AUH: variants seen among roughly 807,000 people sequenced by gnomAD.
AUH encodes the protein AU RNA binding methylglutaconyl-CoA hydratase.
Under a neutral mutation model 42.3 loss-of-function variants are expected in AUH, and 29 were observed. The ratio of observed to expected loss-of-function variants is 0.69; its 90% confidence interval spans 0.51 to 0.93. The LOEUF (loss-of-function observed/expected upper bound fraction) is 0.93, where lower values mean the gene tolerates loss of function less well. Ranked by LOEUF, AUH falls within the 40% of genes least tolerant of loss-of-function variation. The probability of loss-of-function intolerance (pLI) is 0.00; values close to 1 mark genes in which losing one functional copy is unlikely to be tolerated. For synonymous variants in AUH, 174 were observed against 166.4 expected, an observed-to-expected ratio of 1.05 and a Z score of -0.35; for missense variants, 452 against 438.1, an observed-to-expected ratio of 1.03 and a Z score of -0.28.
chr9:91,335,598 AT>A (rs1184134380), intron 3 of AUH, among the ~76,000 whole-genome samples: 1 of 151,774 alleles, frequency 6.6e-6, no homozygotes, highest in Non-Finnish European at 1.5e-5. Flanking sequence ...TTCTGCAGTT[AT>A]TTTTTCACTT....
At chr9:91,236,324 G>GT (rs1828179010) in intron 6 of AUH, among the ~76,000 whole-genome samples, 1 of 152,176 alleles carries the variant, frequency 6.6e-6, no homozygotes, top group Admixed American at 6.5e-5. Flanking sequence ...AGAGAGCTCA[G>GT]TAATACCAAC....
chr9:91,251,186 G>A (rs756981436), intron 6 of AUH, among the ~76,000 whole-genome samples: 2 of 152,290 alleles, frequency 1.3e-5, no homozygotes, highest in African/African-American at 4.8e-5. Context: ...CCGGGAGGTC[G>A]CCATGTCCTC....
chr9:91,352,710 G>A (rs2132058330), intron 3 of AUH, among the ~76,000 whole-genome samples: 1 of 152,202 alleles, frequency 6.6e-6, no homozygotes, highest in East Asian at 1.9e-4. Context: ...CAGTAAATAG[G>A]AGAGTGGTAT....
At chr9:91,325,787 G>C (rs187850982) in intron 3 of AUH, among the ~76,000 whole-genome samples, 53 of 152,240 alleles carry the variant, frequency 3.5e-4, no homozygotes, top group Admixed American at 3.1e-3. Context: ...CATAAATAAT[G>C]ACAAATTGGT....
intron 6 of AUH, among the ~76,000 whole-genome samples, chr9:91,222,405 A>G (rs1827182794): frequency 6.6e-6 from 1 of 152,250 alleles, no homozygotes; most frequent in African/African-American, 2.4e-5. Flanking sequence ...TTGTAAAAGG[A>G]CTAATATTTT....
rs142124412 is a variant in AUH at position 91,302,066 on chromosome 9, G to A, written c.506-3990C>T. On this transcript the variant is annotated intron_variant, in intron 4 of 9. Coordinates refer to ENST00000375731, the MANE Select transcript of AUH (RefSeq NM_001698.3). The stretch of plus-strand genomic sequence containing the variant: ...AATTATTCCCTAAAAGATGTCTGTC[G>A]TAGTAAATTTTATCCAGGAAAGTAT... Among the ~76,000 whole-genome samples, 872 of 152,012 alleles carry A rather than the reference G, an allele frequency of 5.7e-3. 4 individuals are homozygous for A. Among genetic ancestry groups the A allele is most frequent in the South Asian group, 1.0e-2 (48 of 4,816 alleles).
At chr9:91,249,409 A>G (rs563889971) in intron 6 of AUH, among the ~76,000 whole-genome samples, 1 of 152,058 alleles carries the variant, frequency 6.6e-6, no homozygotes, top group Admixed American at 6.5e-5. Flanking sequence ...GTGACATACC[A>G]AAGAAACAAT....
At chr9:91,215,111 G>A (rs112650006) in intron 9 of AUH, among the ~76,000 whole-genome samples, 8 of 152,250 alleles carry the variant, frequency 5.3e-5, no homozygotes, top group East Asian at 3.9e-4. Context: ...TCCTTTAAAC[G>A]AGTGCTCATG....
chr9:91,324,673 C>T lies in AUH; in HGVS notation c.505+645G>A, dbSNP rs148198813. On this transcript the variant is annotated intron_variant, in intron 4 of 9. Coordinates refer to ENST00000375731, the MANE Select transcript of AUH (RefSeq NM_001698.3). The stretch of plus-strand genomic sequence containing the variant: ...CCTAGGCAAACTTCAAAAATAGCAA[C>T]ATTATATGCTGGCAGGAATGTGAGG... Among the ~76,000 whole-genome samples the T allele has an allele frequency of 9.8e-3, 1,433 of 146,882 alleles. 24 individuals carry two copies. Among genetic ancestry groups the T allele is most frequent in the African/African-American group, 0.034 (1,358 of 39,870 alleles).
intron 6 of AUH, among the ~76,000 whole-genome samples, chr9:91,233,143 G>T (rs1322265741): frequency 6.6e-6 from 1 of 152,188 alleles, no homozygotes; most frequent in Non-Finnish European, 1.5e-5. Flanking sequence ...AATAAAGAAA[G>T]AAATACACAC....
rs1179657132 is a variant in AUH at position 91,361,712 on chromosome 9, C to T, written c.178G>A (p.Gly60Ser). 4 of 1,553,156 alleles carry T rather than the reference C, an allele frequency of 2.6e-6. No individual in the cohort carries two copies. The highest frequency in any genetic ancestry group is 1.4e-5 in the African/African-American group (1 of 73,076). The change falls in exon 1 of 10, where the codon GGT becomes AGT. Residue 60 changes from glycine (G) to serine (S), a missense_variant. Gly to Ser is a moderately conservative substitution (Grantham distance 56, BLOSUM62 0). Transcript: ENST00000375731. ...WAQGWVPAAG[G>S]PAPKRGYSSE... is the part of the protein sequence containing the mutation. ...CTGTAGCCCCTTTTCGGGGCGGGAC[C>T]CCCGGCCGCAGGTACCCAGCCCTGG... is the stretch of plus-strand genomic sequence containing the variant.
chr9:91,290,407 C>A (rs1182520624), intron 6 of AUH, among the ~76,000 whole-genome samples: 1 of 151,978 alleles, frequency 6.6e-6, no homozygotes, highest in Non-Finnish European at 1.5e-5. Context: ...CAAGCAAGAC[C>A]CTGTCTCCAA....
chr9:91,303,569 C>T (rs1032577327), intron 4 of AUH, among the ~76,000 whole-genome samples: 1 of 152,168 alleles, frequency 6.6e-6, no homozygotes, highest in Non-Finnish European at 1.5e-5. Context: ...CCTCGTGATC[C>T]ACCCGCCTCG....
At chr9:91,236,427 T>C (rs1214098714) in intron 6 of AUH, among the ~76,000 whole-genome samples, 2 of 152,158 alleles carry the variant, frequency 1.3e-5, no homozygotes, top group Non-Finnish European at 2.9e-5. Context: ...ACAATTCCCC[T>C]ATGAGGTTAG....
chr9:91,288,631 C>A (rs1826610574), intron 6 of AUH, among the ~76,000 whole-genome samples: 1 of 152,050 alleles, frequency 6.6e-6, no homozygotes, highest in South Asian at 2.1e-4. Context: ...AGCATTGGTT[C>A]AAGTATTTGA....
chr9:91,257,053 G>C (rs902975386), intron 6 of AUH, among the ~76,000 whole-genome samples: 1 of 152,126 alleles, frequency 6.6e-6, no homozygotes, highest in African/African-American at 2.4e-5. Context: ...AGGTTGATGA[G>C]AATGTTCTCC....
intron 6 of AUH, among the ~76,000 whole-genome samples, chr9:91,259,698 A>T (rs920364602): frequency 6.6e-6 from 1 of 152,198 alleles, no homozygotes; most frequent in Non-Finnish European, 1.5e-5. Flanking sequence ...CAGACTACTT[A>T]GAAGTATATT....
intron 7 of AUH, among the ~76,000 whole-genome samples, chr9:91,217,575 A>G (rs553714523): frequency 6.6e-6 from 1 of 152,296 alleles, no homozygotes; most frequent in Admixed American, 6.5e-5. Context: ...CTTAAAGGTG[A>G]GCAGGTAGTG....
chr9:91,357,924 C>T (rs1178081702), intron 1 of AUH, among the ~76,000 whole-genome samples: 1 of 152,112 alleles, frequency 6.6e-6, no homozygotes, highest in African/African-American at 2.4e-5. Flanking sequence ...AAGGAGTTTA[C>T]GTAGGTATAA....
Sources: gnomAD v4.1 joint callset for allele counts (sites outside exome capture counted in the v4.1 genomes callset) on GRCh38, gnomAD v4.1.1 for gene constraint, MANE v1.5 for transcripts, NCBI Gene and HGNC (gene_info 2026-07-23, HGNC 2026-07-21) for gene names.